TGFBR2: variants seen among roughly 807,000 people sequenced by gnomAD.
The protein encoded by TGFBR2 is transforming growth factor beta receptor 2, also known as TGF-beta receptor type-2.
Under a neutral mutation model 49.0 loss-of-function variants are expected in TGFBR2, and 18 were observed. The ratio of observed to expected loss-of-function variants is 0.37; its 90% CI spans 0.25 to 0.54. The LOEUF is 0.54. Among genes scored for constraint, TGFBR2 ranks in the 20% least tolerant of loss-of-function variants. The pLI is 0.85. For synonymous variants in TGFBR2, 282 were observed against 275.9 expected, an observed-to-expected ratio of 1.02 and a Z score of -0.22; for missense variants, 525 against 722.6, an observed-to-expected ratio of 0.73 and a Z score of 3.13.
intron 2 of TGFBR2, among the ~76,000 whole-genome samples, chr3:30,649,516 G>C (rs557741327): frequency 6.6e-6 from 1 of 152,314 alleles, no homozygotes; most frequent in African/African-American, 2.4e-5. Context: ...AAGTGATACT[G>C]TCAAAGTAGT....
intron 2 of TGFBR2, among the ~76,000 whole-genome samples, chr3:30,649,597 TTTTA>T (rs1336837366): frequency 1.3e-5 from 2 of 152,196 alleles, no homozygotes; most frequent in Non-Finnish European, 2.9e-5. Flanking sequence ...TTTCCATTTC[TTTTA>T]TTTATTTGTT....
chr3:30,624,024 T>C (rs1248200397), intron 1 of TGFBR2, among the ~76,000 whole-genome samples: 3 of 151,996 alleles, frequency 2.0e-5, no homozygotes, highest in African/African-American at 7.3e-5. Context: ...GCGCCTGTAA[T>C]CACAGCTACT....
At chr3:30,638,581 A>G (rs1246269140) in intron 1 of TGFBR2, among the ~76,000 whole-genome samples, 2 of 152,248 alleles carry the variant, frequency 1.3e-5, no homozygotes, top group Non-Finnish European at 2.9e-5. Flanking sequence ...TTTAAAAACT[A>G]AAAAGAAGGT....
chr3:30,668,188 T>G (rs528637337), intron 3 of TGFBR2, among the ~76,000 whole-genome samples: 3 of 152,286 alleles, frequency 2.0e-5, no homozygotes, highest in African/African-American at 7.2e-5. Context: ...TCATTCAGCT[T>G]CTAAAACAAA....
In TGFBR2 at chr3:30,692,884, A is replaced by T. The variant is rs574876197; in HGVS notation, c.*1285A>T. On this transcript the variant is annotated 3_prime_UTR_variant, in exon 7 of 7. Transcript: ENST00000295754. Reference sequence around the variant, plus strand: ...GATGGTTTTCAGTTATCTCCAGTCCACGTTCACAAAATGTGAAGGTGTGGA... The same window carrying T: ...GATGGTTTTCAGTTATCTCCAGTCCTCGTTCACAAAATGTGAAGGTGTGGA... The T allele has an allele frequency of 4.7e-5, 11 of 233,216 alleles. No individual in the cohort carries two copies. The South Asian group carries it at 1.8e-3, about 38-fold the overall frequency. The allele number at this position is 233,216 out of a possible 1,614,324, so 14.4% of individuals were successfully genotyped here.
At chr3:30,622,817 T>G (rs1238214444) in intron 1 of TGFBR2, among the ~76,000 whole-genome samples, 3 of 135,162 alleles carry the variant, frequency 2.2e-5, no homozygotes, top group African/African-American at 5.7e-5. Context: ...GAGACAGTGG[T>G]TGCAGTGATC....
chr3:30,660,699 TACA>T (rs1226842166), intron 3 of TGFBR2, among the ~76,000 whole-genome samples: 2 of 152,220 alleles, frequency 1.3e-5, no homozygotes, highest in South Asian at 2.1e-4. Context: ...TTTTGTTTTC[TACA>T]ACAATTTACA....
In TGFBR2 at chr3:30,688,415, C is replaced by T. The variant is rs772909480; in HGVS notation, c.1428C>T (p.Ser476=). The part of the protein sequence containing the change: ...EVKDYEPPFG[S]KVREHPCVES... ...AAGATTATGAGCCTCCATTTGGTTC[C>T]AAGGTGCGGGAGCACCCCTGTGTCG... The change falls in exon 6 of 7, where the codon TCC becomes TCT. Residue 476 remains serine, a synonymous_variant. Coordinates refer to ENST00000295754, the MANE Select transcript of TGFBR2 (RefSeq NM_003242.6). 6.2e-7 allele frequency: 1 copy of T among 1,614,192 alleles called. No individual in the cohort carries two copies. The highest frequency in any genetic ancestry group is 1.7e-5 in the Admixed American group (1 of 60,030).
chr3:30,656,910 A>G (rs1699011568), intron 3 of TGFBR2, among the ~76,000 whole-genome samples: 3 of 152,226 alleles, frequency 2.0e-5, no homozygotes, highest in Admixed American at 1.3e-4. Flanking sequence ...TATAGTGATG[A>G]TCGCTGCCTT....
chr3:30,658,116 A>T (rs1056211868), intron 3 of TGFBR2, among the ~76,000 whole-genome samples: 2 of 152,210 alleles, frequency 1.3e-5, no homozygotes, highest in African/African-American at 4.8e-5. Flanking sequence ...AAGTGATTGG[A>T]CGTGGCTGTG....
At chr3:30,685,692 G>A (rs181462809) in intron 5 of TGFBR2, among the ~76,000 whole-genome samples, 1 of 152,152 alleles carries the variant, frequency 6.6e-6, no homozygotes, top group Non-Finnish European at 1.5e-5. Flanking sequence ...CTGAGAGTAA[G>A]GCGGTCATGT....
At chr3:30,638,013 C>CT (rs1468567444) in intron 1 of TGFBR2, among the ~76,000 whole-genome samples, 2 of 152,142 alleles carry the variant, frequency 1.3e-5, no homozygotes, top group Non-Finnish European at 2.9e-5. Flanking sequence ...ACTTATTGAT[C>CT]TTTTTCAAAA....
Position 30,692,515 on chromosome 3 carries a change from T to G in TGFBR2, c.*916T>G, listed in dbSNP as rs1201618359. The G allele has an allele frequency of 1.3e-5, 3 of 233,012 alleles. No individual in the cohort carries two copies. The highest frequency in any genetic ancestry group is 1.1e-4 in the Admixed American group (2 of 17,780). 14.4% of individuals were successfully genotyped at this position (233,012 alleles called of 1,614,324 possible). A position where few individuals can be genotyped will look rare whatever the true frequency, so the allele number is the denominator to read the frequency against. On this transcript the variant is annotated 3_prime_UTR_variant, in exon 7 of 7. Transcript: ENST00000295754. ...TCTTTTTTTCATCTTTCCCCTGCAC[T>G]TATGTTACTATTCTCTGCTCCCAGC... is the stretch of plus-strand genomic sequence containing the variant.
chr3:30,632,210 C>T (rs1383366881), intron 1 of TGFBR2, among the ~76,000 whole-genome samples: 1 of 152,142 alleles, frequency 6.6e-6, no homozygotes, highest in African/African-American at 2.4e-5. Flanking sequence ...ACATCATTGC[C>T]TTCCCATCTC....
intron 1 of TGFBR2, among the ~76,000 whole-genome samples, chr3:30,627,176 G>A (rs762649789): frequency 3.9e-5 from 6 of 152,046 alleles, no homozygotes; most frequent in African/African-American, 9.7e-5. Flanking sequence ...ACCTCGTTCC[G>A]CACACAGTAG....
intron 6 of TGFBR2, among the ~76,000 whole-genome samples, chr3:30,688,890 T>G (rs987045914): frequency 3.3e-5 from 5 of 152,178 alleles, no homozygotes; most frequent in African/African-American, 4.8e-5. Flanking sequence ...TTCAGCTCCA[T>G]AAGGAAATAC....
At chr3:30,689,946 T>C (rs1350271366) in intron 6 of TGFBR2, among the ~76,000 whole-genome samples, 3 of 152,256 alleles carry the variant, frequency 2.0e-5, no homozygotes, top group African/African-American at 7.2e-5. Flanking sequence ...AAATGTTACT[T>C]GTGTACCAAC....
intron 3 of TGFBR2, among the ~76,000 whole-genome samples, chr3:30,665,687 C>T (rs1699230950): frequency 1.3e-5 from 2 of 152,250 alleles, no homozygotes; most frequent in Admixed American, 1.3e-4. Context: ...CCATCAATCT[C>T]AAAATTCCTG....
Position 30,672,391 on chromosome 3 carries a change from G to A in TGFBR2, c.1208G>A (p.Arg403His), listed in dbSNP as rs143095746. 1.2e-4 allele frequency: 194 copies of A among 1,614,208 alleles called. 1 individual carries two copies. In the South Asian group the frequency reaches 1.8e-3, roughly 15 times the overall value. Residue 403 changes from arginine to histidine, a missense_variant, in exon 4 of 7, where the codon CGT (arginine) becomes CAT (histidine). Around this residue, in one of 3 missense-constraint regions of TGFBR2, gnomAD observed 45 missense variants for 111.0 expected, o/e 0.41. Transcript: ENST00000295754. The surrounding 1 kb of genome is among the most constrained non-coding windows in gnomAD (Gnocchi z 4.5). ...CCLCDFGLSL[R>H]LDPTLSVDDL... ...CTGTGTGACTTTGGGCTTTCCCTGC[G>A]TCTGGACCCTACTCTGTCTGTGGAT... is the stretch of plus-strand genomic sequence containing the variant.
Sources: allele counts gnomAD v4.1 joint callset (sites outside exome capture counted in the v4.1 genomes callset), GRCh38; gene constraint gnomAD v4.1.1; regional missense constraint gnomAD v4.1.1; non-coding constraint Gnocchi (gnomAD v3.1); transcripts MANE v1.5; gene names NCBI Gene and HGNC (gene_info 2026-07-23, HGNC 2026-07-21).